Variants in SFSWAP observed in about 807,000 individuals in gnomAD.
SFSWAP encodes splicing factor SWAP.
SFSWAP carries 17 observed loss-of-function variants against 100.7 expected under a neutral mutation model. That is an observed-to-expected ratio of 0.17 (90% CI 0.12 to 0.25). The LOEUF (loss-of-function observed/expected upper bound fraction) is 0.25. Among genes scored for constraint, SFSWAP ranks in the 10% least tolerant of loss-of-function variants. The pLI, the probability that SFSWAP is intolerant of heterozygous loss-of-function variation, is 1.00. For missense variants in SFSWAP, 1,005 were observed against 1,262.6 expected, an observed-to-expected ratio of 0.80 and a Z score of 3.09; for synonymous variants, 504 against 510.1, an observed-to-expected ratio of 0.99 and a Z score of 0.16.
At position 131,798,762 on chromosome 12, in the gene SFSWAP, C is replaced by T. The variant is rs1202715385; in HGVS notation, c.2718-275C>T. 3.9e-5 allele frequency among the ~76,000 whole-genome samples: 6 copies of T among 152,048 alleles called. No homozygotes were observed. In the East Asian group the frequency reaches 7.7e-4, roughly 20 times the overall value. ...AAAATTAGCCGGGCATGGTGGCACA[C>T]GCCTGCAATCCCAGCTACTCAGGAG... On this transcript the variant is annotated intron_variant, in intron 16 of 17. Coordinates refer to ENST00000261674, the MANE Select transcript of SFSWAP (RefSeq NM_004592.4).
chr12:131,768,589 C>A (rs1424801686), intron 13 of SFSWAP, among the ~76,000 whole-genome samples: 1 of 152,162 alleles, frequency 6.6e-6, no homozygotes, highest in East Asian at 1.9e-4. Context: ...CCGAGTGCCG[C>A]AGGGTGGGCT....
intron 13 of SFSWAP, among the ~76,000 whole-genome samples, chr12:131,769,106 G>A (rs1038310184): frequency 2.1e-5 from 3 of 142,246 alleles, no homozygotes; most frequent in East Asian, 2.1e-4. Flanking sequence ...CAGCCTGGGC[G>A]ACAGAGCGAG....
chr12:131,783,130 A>C (rs143731652), intron 14 of SFSWAP, among the ~76,000 whole-genome samples: 3,138 of 151,638 alleles, frequency 0.021, 53 homozygotes, highest in Non-Finnish European at 0.034. Flanking sequence ...GCAGTGAGCC[A>C]AGATCGTGTC....
chr12:131,728,133 G>A (rs1879160730), intron 6 of SFSWAP, among the ~76,000 whole-genome samples, 160 bp from the exon 7 acceptor site: 1 of 152,168 alleles, frequency 6.6e-6, no homozygotes, highest in South Asian at 2.1e-4. Context: ...AGCCAGCTGG[G>A]GCATTTGGCC....
chr12:131,778,055 T>C lies in SFSWAP; in HGVS notation c.2143-10T>C, dbSNP rs1365267460. The C allele has an allele frequency of 3.1e-6, 5 of 1,591,256 alleles. No homozygotes were observed. The highest frequency in any genetic ancestry group is 1.1e-5 in the South Asian group (1 of 88,622). ...CCCTGTTAACACCCAGATTTTCCTT[T>C]TATTCTTAGGAATCCAGCACTACGC... On this transcript the variant is annotated splice_polypyrimidine_tract_variant and intron_variant, in intron 13 of 17. Transcript: ENST00000261674. The surrounding 1 kb of genome is among the most constrained non-coding windows in gnomAD (Gnocchi z 4.2).
intron 11 of SFSWAP, among the ~76,000 whole-genome samples, chr12:131,761,999 G>A (rs1198126392): frequency 5.3e-5 from 8 of 152,086 alleles, no homozygotes; most frequent in South Asian, 2.1e-4. Context: ...TTGACAGGCC[G>A]GACAAGGTGG....
intron 7 of SFSWAP, among the ~76,000 whole-genome samples, chr12:131,743,524 C>T (rs1880848763): frequency 6.6e-6 from 1 of 152,264 alleles, no homozygotes; most frequent in Non-Finnish European, 1.5e-5. Flanking sequence ...CACGCTGATG[C>T]AAGAGGTGTG....
rs543286977 is a variant in SFSWAP, at chr12:131,789,685, G to C, written c.2534+3097G>C. On this transcript the variant is annotated intron_variant, in intron 15 of 17. Coordinates refer to ENST00000261674, the MANE Select transcript of SFSWAP (RefSeq NM_004592.4). ...CTCCCTCCCTCCTCCGTTCGTGTGT[G>C]TATTTCATGACCTTGGCATTCCTGA... is the stretch of plus-strand genomic sequence containing the variant. Among the ~76,000 whole-genome samples, 27 of 149,090 alleles carry C rather than the reference G, an allele frequency of 1.8e-4. 1 individual carries two copies. In the South Asian group the frequency reaches 5.6e-3, roughly 31 times the overall value.
At chr12:131,747,687 G>A (rs1881265246) in intron 7 of SFSWAP, among the ~76,000 whole-genome samples, 1 of 152,236 alleles carries the variant, frequency 6.6e-6, no homozygotes, top group African/African-American at 2.4e-5. Flanking sequence ...CTTGGGGTCT[G>A]CCAGATGAAC....
At chr12:131,772,404 A>G (rs1241737222) in intron 13 of SFSWAP, among the ~76,000 whole-genome samples, 1 of 152,256 alleles carries the variant, frequency 6.6e-6, no homozygotes, top group African/African-American at 2.4e-5. Context: ...AAATTTTTCA[A>G]GTGGCATATA....
chr12:131,799,720 AAC>A lies in SFSWAP; in HGVS notation c.*235_*236del. 1.9e-6 allele frequency: 1 copy of A among 535,286 alleles called. No individual in the cohort carries two copies. The highest frequency in any genetic ancestry group is 2.3e-5 in the South Asian group (1 of 44,380). 33.2% of individuals were successfully genotyped at this position (535,286 alleles called of 1,614,324 possible). A position where few individuals can be genotyped will look rare whatever the true frequency, so the allele number is the denominator to read the frequency against. ...TGTATTATGAAATAAAATGGGAGGA[AAC>A]ACCTTTTCTAGCTAGACCCTGGCGT... On this transcript the variant is annotated 3_prime_UTR_variant, in exon 18 of 18. Coordinates refer to ENST00000261674, the MANE Select transcript of SFSWAP (RefSeq NM_004592.4).
intron 7 of SFSWAP, 115 bp from the exon 8 acceptor site, chr12:131,753,008 G>A (rs1198754008): frequency 6.9e-7 from 1 of 1,451,342 alleles, no homozygotes; most frequent in African/African-American, 1.4e-5. Flanking sequence ...ATGGTTGGAA[G>A]TGAGCAGAGG....
chr12:131,736,635 G>T (rs1880046648), intron 7 of SFSWAP, among the ~76,000 whole-genome samples: 1 of 152,136 alleles, frequency 6.6e-6, no homozygotes. Flanking sequence ...GTTCAGCTCA[G>T]CTCCAGCGAA....
At chr12:131,793,966 G>T (rs770186735) in intron 15 of SFSWAP, among the ~76,000 whole-genome samples, 1 of 152,270 alleles carries the variant, frequency 6.6e-6, no homozygotes, top group East Asian at 1.9e-4. Context: ...ATTGGGAAAC[G>T]TGTGCAGTTT....
chr12:131,755,421 C>T lies in SFSWAP; in HGVS notation c.1490C>T (p.Ala497Val). The T allele has an allele frequency of 6.2e-7, 1 of 1,613,926 alleles. No individual in the cohort carries two copies. Among genetic ancestry groups the T allele is most frequent in the Non-Finnish European group, 8.5e-7 (1 of 1,179,946 alleles). ...CTGCAGCCGTGGCACCAGTATAATG[C>T]TTATTATGAGTTTAAGAAGCAGTTC... ...EFLQPWHQYN[A>V]YYEFKKQFFL... The change falls in exon 10 of 18, where the codon GCT becomes GTT. Residue 497 changes from alanine (A) to valine (V), a missense_variant. Coordinates refer to ENST00000261674, the MANE Select transcript of SFSWAP (RefSeq NM_004592.4).
intron 11 of SFSWAP, among the ~76,000 whole-genome samples, chr12:131,758,333 G>A (rs892414867): frequency 2.0e-5 from 3 of 152,134 alleles, no homozygotes; most frequent in Admixed American, 1.3e-4. Context: ...AACACACCGA[G>A]AAGTTTACCG....
At chr12:131,746,698 C>T (rs1353653096) in intron 7 of SFSWAP, among the ~76,000 whole-genome samples, 1 of 152,186 alleles carries the variant, frequency 6.6e-6, no homozygotes, top group Non-Finnish European at 1.5e-5. Flanking sequence ...TTAATTTTGC[C>T]TTCCCATTTG....
chr12:131,737,827 T>G (rs1880178167), intron 7 of SFSWAP, among the ~76,000 whole-genome samples: 1 of 152,054 alleles, frequency 6.6e-6, no homozygotes. Context: ...ATAAAATATG[T>G]GTATAAAATA....
chr12:131,737,954 G>T (rs990408106), intron 7 of SFSWAP, among the ~76,000 whole-genome samples: 2 of 151,780 alleles, frequency 1.3e-5, no homozygotes, highest in Admixed American at 6.6e-5. Flanking sequence ...CTTGTCTTCT[G>T]CTATTTAGCT....
Sources: gnomAD v4.1 joint callset for allele counts (sites outside exome capture counted in the v4.1 genomes callset) on GRCh38, gnomAD v4.1.1 for gene constraint, Gnocchi (gnomAD v3.1) non-coding constraint, MANE v1.5 for transcripts, NCBI Gene and HGNC (gene_info 2026-07-23, HGNC 2026-07-21) for gene names.